HDAC4: variants seen among roughly 807,000 people sequenced by gnomAD.
HDAC4 encodes the protein histone deacetylase A.
In HDAC4, 16 loss-of-function variants were observed where a neutral mutation model predicts 135.1. The ratio of observed to expected loss-of-function variants is 0.12; its 90% CI spans 0.08 to 0.18. HDAC4 has a LOEUF of 0.18. Among genes scored for constraint, HDAC4 ranks in the 10% least tolerant of loss-of-function variants. The pLI is 1.00. For synonymous variants in HDAC4, 685 were observed against 653.4 expected (o/e 1.05, Z -0.74); for missense variants, 1,143 against 1,511.8 (o/e 0.76, Z 4.05).
intron 1 of HDAC4, among the ~76,000 whole-genome samples, chr2:239,362,076 A>G (rs1180166391): frequency 6.6e-6 from 1 of 152,240 alleles, no homozygotes; most frequent in African/African-American, 2.4e-5. Context: ...AATGCCTTTT[A>G]GGATGTATTT....
chr2:239,275,919 G>C (rs2050333103), intron 2 of HDAC4, among the ~76,000 whole-genome samples: 1 of 152,178 alleles, frequency 6.6e-6, no homozygotes, highest in Admixed American at 6.5e-5. Flanking sequence ...GCCTCATTTG[G>C]GAAAGCTTCC....
intron 1 of HDAC4, among the ~76,000 whole-genome samples, chr2:239,394,877 C>T (rs755435320): frequency 5.9e-5 from 9 of 152,230 alleles, no homozygotes; most frequent in Non-Finnish European, 2.9e-5. Context: ...AGGCATGAGG[C>T]CCTCAGGGCC....
rs1268705379 is a variant in HDAC4 at position 239,308,980 on chromosome 2, A to AACAAGCCGCCG, written c.22+43687_22+43697dup. On this transcript the variant is annotated intron_variant, in intron 2 of 26. Transcript: ENST00000543185. This position sits in a 1 kb window ranked among gnomAD's most constrained non-coding sequence, Gnocchi z 4.2. Reference sequence around the variant, plus strand: ...CAAACATTCTAAACGGATTCTTGATAACAAGCCGCCGGCTCGCTGGAAGAC... The same window carrying AACAAGCCGCCG: ...CAAACATTCTAAACGGATTCTTGATAACAAGCCGCCGACAAGCCGCCGGCTCGCTGGAAGAC... 6.6e-5 allele frequency: 10 copies of AACAAGCCGCCG among 152,198 alleles called. No homozygotes were observed. Among genetic ancestry groups the AACAAGCCGCCG allele is most frequent in the African/African-American group, 2.4e-4 (10 of 41,444 alleles). 9.4% of individuals were successfully genotyped at this position (152,198 alleles called of 1,614,324 possible).
At chr2:239,080,022 T>G (rs868613594) in intron 22 of HDAC4, among the ~76,000 whole-genome samples, 2 of 150,428 alleles carry the variant, frequency 1.3e-5, no homozygotes, top group Non-Finnish European at 2.9e-5. Flanking sequence ...GCACAAGCAC[T>G]GAGAGACATG....
chr2:239,126,619 G>C lies in HDAC4; in HGVS notation c.1370C>G (p.Ser457Cys). The change falls in exon 12 of 27, where the codon TCC becomes TGC. Residue 457 changes from serine (S) to cysteine (C), a missense_variant. Ser to Cys is a moderately radical substitution (Grantham distance 112). Coordinates refer to ENST00000543185, the MANE Select transcript of HDAC4 (RefSeq NM_001378414.1). ...GCGGTGCTGCCGCAGCTTGTGGATGGAGGGGGACACCCGGTCTGCACCAAC... is the reference window on the plus strand; with the variant it reads ...GCGGTGCTGCCGCAGCTTGTGGATGCAGGGGGACACCCGGTCTGCACCAAC... The part of the protein sequence containing the change: ...SLVGADRVSP[S>C]IHKLRQHRPL... The C allele has an allele frequency of 6.2e-7, 1 of 1,614,028 alleles. No individual in the cohort carries two copies. Among genetic ancestry groups the C allele is most frequent in the Non-Finnish European group, 8.5e-7 (1 of 1,179,994 alleles).
intron 2 of HDAC4, among the ~76,000 whole-genome samples, chr2:239,284,266 C>T (rs1187928271): frequency 6.6e-6 from 1 of 152,232 alleles, no homozygotes; most frequent in Non-Finnish European, 1.5e-5. Context: ...GATGGCAGGA[C>T]TGGCTGCGCT....
chr2:239,275,514 C>A (rs2050306700), intron 2 of HDAC4, among the ~76,000 whole-genome samples: 2 of 152,164 alleles, frequency 1.3e-5, no homozygotes, highest in Non-Finnish European at 1.5e-5. Flanking sequence ...ATGTCATGGC[C>A]CACGGAGTGA....
intron 2 of HDAC4, among the ~76,000 whole-genome samples, chr2:239,241,847 A>G (rs1405569164): frequency 2.0e-5 from 3 of 152,164 alleles, no homozygotes; most frequent in Non-Finnish European, 2.9e-5. Flanking sequence ...TAGTTCCCTT[A>G]TAAGCCAAAT....
chr2:239,149,229 C>A (rs748133169), intron 7 of HDAC4, among the ~76,000 whole-genome samples: 1 of 151,906 alleles, frequency 6.6e-6, no homozygotes, highest in Non-Finnish European at 1.5e-5. Flanking sequence ...TGGTGAAACC[C>A]GTCTCTACTA....
intron 18 of HDAC4, among the ~76,000 whole-genome samples, chr2:239,087,819 T>G (rs558233620): frequency 6.6e-6 from 1 of 152,082 alleles, no homozygotes; most frequent in East Asian, 1.9e-4. Flanking sequence ...CCTAAAGAGG[T>G]CTGGGGGCTA....
In HDAC4 at chr2:239,068,491, C is replaced by T. The variant is rs1429126046; in HGVS notation, c.2867G>A (p.Arg956Lys). The T allele has an allele frequency of 6.2e-7, 1 of 1,609,520 alleles. No homozygotes were observed. Among genetic ancestry groups the T allele is most frequent in the Non-Finnish European group, 8.5e-7 (1 of 1,175,942 alleles). Residue 956 changes from arginine (R) to lysine (K), a missense_variant and splice_region_variant, in exon 23 of 27, where the codon AGA becomes AAA. By Grantham distance (26) the Arg-to-Lys change is conservative. Transcript: ENST00000543185. This position sits in a 1 kb window ranked among gnomAD's most constrained non-coding sequence, Gnocchi z 4.4. ...CAGTCATATGCAGAACCACTTACAT[C>T]TGGCGGAGAGGTTGTAGCCCCCAAG... ...TPLGGYNLSA[R>K]CFGYLTKQLM... is the part of the protein sequence containing the mutation.
chr2:239,344,243 C>G (rs1422514748), intron 2 of HDAC4, among the ~76,000 whole-genome samples: 1 of 152,140 alleles, frequency 6.6e-6, no homozygotes, highest in East Asian at 1.9e-4. Flanking sequence ...TCAATGGTTT[C>G]TAATGATTCT....
chr2:239,086,679 G>T (rs1052333185), intron 19 of HDAC4, among the ~76,000 whole-genome samples: 3 of 152,342 alleles, frequency 2.0e-5, no homozygotes. Context: ...CTGCGGTTCT[G>T]TCTTGTTCTG....
chr2:239,067,033 G>T (rs2033591795), intron 23 of HDAC4, 178 bp from the exon 24 acceptor site: 1 of 728,154 alleles, frequency 1.4e-6, no homozygotes, highest in South Asian at 1.8e-5. Context: ...TTTCCTCTTT[G>T]ATCTGTTTGA....
At chr2:239,341,848 C>A (rs1192922088) in intron 2 of HDAC4, among the ~76,000 whole-genome samples, 1 of 152,180 alleles carries the variant, frequency 6.6e-6, no homozygotes, top group Non-Finnish European at 1.5e-5. Flanking sequence ...GTGTTAAAAT[C>A]TAATACCCAA....
At chr2:239,129,619 G>A (rs529309467) in intron 11 of HDAC4, among the ~76,000 whole-genome samples, 13 of 152,314 alleles carry the variant, frequency 8.5e-5, no homozygotes, top group Non-Finnish European at 1.8e-4. Flanking sequence ...TGGCTCCTGA[G>A]CTGACCCTGG....
chr2:239,136,732 G>A (rs918538547), intron 9 of HDAC4, among the ~76,000 whole-genome samples: 1 of 152,204 alleles, frequency 6.6e-6, no homozygotes, highest in African/African-American at 2.4e-5. Context: ...CCAAGGATCT[G>A]AAGAGACATT....
At chr2:239,256,320 G>A (rs1362377877) in intron 2 of HDAC4, among the ~76,000 whole-genome samples, 1 of 152,238 alleles carries the variant, frequency 6.6e-6, no homozygotes, top group African/African-American at 2.4e-5. Flanking sequence ...GGCTTTAAGT[G>A]TGGGATTTTT....
chr2:239,387,551 A>T (rs1177122877), intron 1 of HDAC4, among the ~76,000 whole-genome samples: 1 of 152,210 alleles, frequency 6.6e-6, no homozygotes. Flanking sequence ...CTGTGACCAG[A>T]GAAAGCTCCA....
Sources: gnomAD v4.1 joint callset for allele counts (sites outside exome capture counted in the v4.1 genomes callset) on GRCh38, gnomAD v4.1.1 for gene constraint, Gnocchi (gnomAD v3.1) non-coding constraint, MANE v1.5 for transcripts, NCBI Gene and HGNC (gene_info 2026-07-23, HGNC 2026-07-21) for gene names.